RNPS1: variants seen among roughly 807,000 people sequenced by gnomAD.
The protein encoded by RNPS1 is RNA binding protein with serine rich domain 1.
For synonymous variants in RNPS1, 147 were observed against 150.0 expected (o/e 0.98, Z 0.15); for missense variants, 300 against 427.6 (o/e 0.70, Z 2.63).
At chr16:2,266,458 C>T in intron 1 of RNPS1, 2 of 961,864 alleles carry the variant, frequency 2.1e-6, no homozygotes, top group South Asian at 4.8e-5. Flanking sequence ...TGAGGTTTTA[C>T]TGTGTGATTT....
chr16:2,267,909 ACT>A lies in RNPS1; in HGVS notation c.-118+144_-118+145del, dbSNP rs987458814. On this transcript the variant is annotated intron_variant, in intron 1 of 7. Coordinates refer to ENST00000320225, the MANE Select transcript of RNPS1 (RefSeq NM_080594.4). ...TCCCACTCCGCCCGCCCCGGGCCACACTCTTTCTTCTCGGAGCCCGCACCGCG... is the reference window on the plus strand; with the variant it reads ...TCCCACTCCGCCCGCCCCGGGCCACACTTTCTTCTCGGAGCCCGCACCGCG... 4 of 1,534,142 alleles carry A rather than the reference ACT, an allele frequency of 2.6e-6. No homozygotes were observed. The African/African-American group carries it at 4.1e-5, about 16-fold the overall frequency.
chr16:2,261,213 A>G (rs575846876), intron 6 of RNPS1, among the ~76,000 whole-genome samples: 35 of 152,074 alleles, frequency 2.3e-4, no homozygotes, highest in Non-Finnish European at 4.7e-4. Context: ...CCTTTTTCCT[A>G]ATTGGAAATC....
chr16:2,256,745 T>C (rs1010075487), intron 6 of RNPS1: 2 of 152,274 alleles, frequency 1.3e-5, no homozygotes, highest in South Asian at 2.1e-4. Context: ...GCAGGCAGTA[T>C]CCGCGTTTGC....
chr16:2,264,576 G>A lies in RNPS1; in HGVS notation c.68C>T (p.Thr23Ile), dbSNP rs769103821. ...GVKENNKKSSTRAPSPTKRKD... is the reference protein window; with the variant it reads ...GVKENNKKSSIRAPSPTKRKD... Reference sequence around the variant, plus strand: ...AAAAATCTTACAGAAGGATTACCTAGTGCTGGACTTTTTATTATTTTCTTT... The same window carrying A: ...AAAAATCTTACAGAAGGATTACCTAATGCTGGACTTTTTATTATTTTCTTT... The change falls in exon 2 of 8, where the codon ACT becomes ATT. Residue 23 changes from threonine to isoleucine, a missense_variant. Thr to Ile is a moderately conservative substitution (Grantham distance 89, BLOSUM62 -1). Coordinates refer to ENST00000320225, the MANE Select transcript of RNPS1 (RefSeq NM_080594.4). 2.4e-5 allele frequency: 38 copies of A among 1,613,250 alleles called. No homozygotes were observed. The highest frequency in any genetic ancestry group is 3.1e-5 in the Non-Finnish European group (36 of 1,179,712).
intron 6 of RNPS1, among the ~76,000 whole-genome samples, chr16:2,261,151 CA>C (rs1261212899): frequency 6.6e-6 from 1 of 151,848 alleles, no homozygotes; most frequent in Non-Finnish European, 1.5e-5. Flanking sequence ...AAAATTGTTT[CA>C]AAAACTATAG....
intron 1 of RNPS1, chr16:2,266,641 T>C (rs138825434): frequency 2.0e-4 from 199 of 985,428 alleles, no homozygotes; most frequent in Non-Finnish European, 2.4e-4. Flanking sequence ...TCTCCAAAGT[T>C]ACACTAATTT....
At chr16:2,255,457 G>A (rs2093573769) in intron 7 of RNPS1, 128 bp downstream of exon 7, 2 of 1,112,856 alleles carry the variant, frequency 1.8e-6, no homozygotes, top group Admixed American at 5.3e-5. Flanking sequence ...GAGCTCTGAA[G>A]GGCTCCTGCT....
chr16:2,260,062 C>G (rs561802929), intron 6 of RNPS1, among the ~76,000 whole-genome samples: 1 of 152,018 alleles, frequency 6.6e-6, no homozygotes, highest in Admixed American at 6.5e-5. Context: ...TAAGTATACG[C>G]CTAGGAACAA....
chr16:2,263,992 A>G, intron 3 of RNPS1, 184 bp downstream of exon 3: 1 of 667,754 alleles, frequency 1.5e-6, no homozygotes, highest in Non-Finnish European at 2.4e-6. Context: ...GGCCTCCCAA[A>G]GTGCTGGGAT....
chr16:2,262,720 G>A lies in RNPS1; in HGVS notation c.522+20C>T. 4 of 1,601,632 alleles carry A rather than the reference G, an allele frequency of 2.5e-6. No individual in the cohort carries two copies. Among genetic ancestry groups the A allele is most frequent in the Non-Finnish European group, 3.4e-6 (4 of 1,170,378 alleles). ...CTTGTCCACACCCCACTGCCCACAG[G>A]AGAGATCCATGATCCTCACCTTTGT... On this transcript the variant is annotated intron_variant, in intron 5 of 7. Transcript: ENST00000320225.
At chr16:2,267,015 C>G in intron 1 of RNPS1, 2 of 348,384 alleles carry the variant, frequency 5.7e-6, no homozygotes, top group Non-Finnish European at 8.1e-6. Context: ...GATTCCAGCC[C>G]CACCCCCCCA....
At chr16:2,267,685 G>T in intron 1 of RNPS1, 1 of 1,164,718 alleles carries the variant, frequency 8.6e-7, no homozygotes, top group Non-Finnish European at 1.1e-6. Flanking sequence ...CAGGCGCCGG[G>T]CCGCGAGCGC....
In RNPS1 at chr16:2,268,060, C is replaced by A. The variant is rs1567331484; in HGVS notation, c.-123G>T. The A allele has an allele frequency of 2.0e-6, 3 of 1,534,984 alleles. No homozygotes were observed. Among genetic ancestry groups the A allele is most frequent in the South Asian group, 2.4e-5 (2 of 84,022 alleles). ...CGGATTCCGCCCCAACTTACATCTTCCCGCCGCCGCCACCTCCTCCTGCTT... is the reference window on the plus strand; with the variant it reads ...CGGATTCCGCCCCAACTTACATCTTACCGCCGCCGCCACCTCCTCCTGCTT... On this transcript the variant is annotated 5_prime_UTR_variant, in exon 1 of 8. Coordinates refer to ENST00000320225, the MANE Select transcript of RNPS1 (RefSeq NM_080594.4).
rs149188755 is a variant in RNPS1 at position 2,262,330 on chromosome 16, T to A, written c.624A>T (p.Val208=). ...HPHLSKGYAY[V]EFENPDEAEK... ...CGGCTTCATCTGGATTCTCAAACTC[T>A]ACGTACGCATAGCCTTTGGACAGAT... The change falls in exon 6 of 8, where the codon GTA becomes GTT. Residue 208 remains valine, a synonymous_variant. Coordinates refer to ENST00000320225, the MANE Select transcript of RNPS1 (RefSeq NM_080594.4). 9 of 1,613,934 alleles carry A rather than the reference T, an allele frequency of 5.6e-6. No homozygotes were observed. The African/African-American group carries it at 1.2e-4, about 22-fold the overall frequency.
chr16:2,266,418 A>T (rs1281902467), intron 1 of RNPS1: 1 of 984,942 alleles, frequency 1.0e-6, no homozygotes, highest in African/African-American at 1.7e-5. Flanking sequence ...TATAATTTAG[A>T]GTCTGGAGCC....
In RNPS1 at chr16:2,262,447, G is replaced by A. The variant is rs2093606932; in HGVS notation, c.523-16C>T. ...TGATGTGATCCTAGAGGGAAAGAAG[G>A]GTCACGCCAACGCCCAGCTACCAGT... is the stretch of plus-strand genomic sequence containing the variant. On this transcript the variant is annotated splice_polypyrimidine_tract_variant and intron_variant, in intron 5 of 7. Coordinates refer to ENST00000320225, the MANE Select transcript of RNPS1 (RefSeq NM_080594.4). 3 of 1,613,624 alleles carry A rather than the reference G, an allele frequency of 1.9e-6. No individual in the cohort carries two copies. Among genetic ancestry groups the A allele is most frequent in the Non-Finnish European group, 1.7e-6 (2 of 1,179,898 alleles).
Position 2,262,501 on chromosome 16 carries a change from A to T in RNPS1, c.523-70T>A, listed in dbSNP as rs1036056406. On this transcript the variant is annotated intron_variant, in intron 5 of 7. Coordinates refer to ENST00000320225, the MANE Select transcript of RNPS1 (RefSeq NM_080594.4). Reference sequence around the variant, plus strand: ...TCACGTCAGACGCAGAGAGCTCAGCACATCATGACTAAAACCTCGGCAGGG... The same window carrying T: ...TCACGTCAGACGCAGAGAGCTCAGCTCATCATGACTAAAACCTCGGCAGGG... 1.6e-5 allele frequency: 24 copies of T among 1,544,554 alleles called. No homozygotes were observed. The African/African-American group carries it at 3.1e-4, about 20-fold the overall frequency.
chr16:2,262,170 C>T, intron 6 of RNPS1, 108 bp downstream of exon 6: 2 of 1,180,046 alleles, frequency 1.7e-6, no homozygotes, highest in Non-Finnish European at 2.4e-6. Context: ...GTGTGAAACT[C>T]TGTCTCAAAC....
chr16:2,265,192 C>T (rs2093620220), intron 1 of RNPS1: 1 of 152,376 alleles, frequency 6.6e-6, no homozygotes, highest in Non-Finnish European at 1.5e-5. Context: ...TTAGGATACA[C>T]TGGATGTGAC....
Sources: gnomAD v4.1 joint callset for allele counts (sites outside exome capture counted in the v4.1 genomes callset) on GRCh38, gnomAD v4.1.1 for gene constraint, MANE v1.5 for transcripts, NCBI Gene and HGNC (gene_info 2026-07-23, HGNC 2026-07-21) for gene names.